BMPR1B: variants seen among roughly 807,000 people sequenced by gnomAD.
The protein encoded by BMPR1B is bone morphogenetic protein receptor type 1B.
In BMPR1B, 12 loss-of-function variants were observed where a neutral mutation model predicts 59.1. The ratio of observed to expected loss-of-function variants is 0.20; its 90% CI spans 0.13 to 0.33. BMPR1B has a LOEUF of 0.33. Ranked by LOEUF, BMPR1B falls within the 10% of genes least tolerant of loss-of-function variation. The pLI, the probability that BMPR1B is intolerant of heterozygous loss-of-function variation, is 1.00. For missense variants in BMPR1B, 550 were observed against 610.9 expected, an observed-to-expected ratio of 0.90 and a Z score of 1.05; for synonymous variants, 237 against 207.3, an observed-to-expected ratio of 1.14 and a Z score of -1.23.
At chr4:94,861,426 A>G (rs1725972270) in intron 1 of BMPR1B, among the ~76,000 whole-genome samples, 1 of 152,146 alleles carries the variant, frequency 6.6e-6, no homozygotes, top group Non-Finnish European at 1.5e-5. Flanking sequence ...ACTCAGTATG[A>G]TGTTTGTATT....
intron 3 of BMPR1B, among the ~76,000 whole-genome samples, chr4:95,095,443 C>CTG (rs1730297990): frequency 6.6e-6 from 1 of 152,020 alleles, no homozygotes; most frequent in South Asian, 2.1e-4. Context: ...TGTTGCTAGC[C>CTG]AGTTCAGTAC....
At chr4:95,109,529 G>A (rs902654208) in intron 4 of BMPR1B, among the ~76,000 whole-genome samples, 6 of 151,998 alleles carry the variant, frequency 3.9e-5, no homozygotes, top group African/African-American at 9.7e-5. Flanking sequence ...TTGTTTGCAC[G>A]TTTTACCTTG....
chr4:94,831,497 C>T (rs1724589206), intron 1 of BMPR1B, among the ~76,000 whole-genome samples: 1 of 152,036 alleles, frequency 6.6e-6, no homozygotes, highest in South Asian at 2.1e-4. Flanking sequence ...TCGTAGGATT[C>T]CTCATTCATG....
At position 95,100,551 on chromosome 4, in the gene BMPR1B, A is replaced by T. The variant is rs562455742; in HGVS notation, c.-17-3857A>T. On this transcript the variant is annotated intron_variant, in intron 3 of 12. Coordinates refer to ENST00000515059, the MANE Select transcript of BMPR1B (RefSeq NM_001203.3). ...AGTGATGTGGTGTGGATCTATTCAC[A>T]TGGGCTATATGGGTTCTTTCAAATT... is the stretch of plus-strand genomic sequence containing the variant. 7.1e-4 allele frequency among the ~76,000 whole-genome samples: 108 copies of T among 151,896 alleles called. 1 individual carries two copies. The highest frequency in any genetic ancestry group is 2.6e-3 in the African/African-American group (107 of 41,424).
rs551908921 is a variant in BMPR1B at position 94,927,171 on chromosome 4, C to T, written c.-113+51271C>T. 1.1e-4 allele frequency among the ~76,000 whole-genome samples: 16 copies of T among 152,186 alleles called. No individual in the cohort carries two copies. The South Asian group carries it at 3.3e-3, about 32-fold the overall frequency. ...ACTGGTTTGTTCATTCCTTGCGAGT[C>T]ACTGATGAATTGATTTGGCTTCAAA... On this transcript the variant is annotated intron_variant, in intron 2 of 12. Coordinates refer to ENST00000515059, the MANE Select transcript of BMPR1B (RefSeq NM_001203.3).
intron 3 of BMPR1B, among the ~76,000 whole-genome samples, chr4:95,031,173 A>T (rs1322618237): frequency 2.0e-5 from 3 of 152,146 alleles, no homozygotes; most frequent in Non-Finnish European, 2.9e-5. Context: ...CAAAACAGAG[A>T]TAGAGAACAG....
chr4:95,032,708 T>C (rs1009689868), intron 3 of BMPR1B, among the ~76,000 whole-genome samples: 2 of 152,166 alleles, frequency 1.3e-5, no homozygotes, highest in African/African-American at 4.8e-5. Flanking sequence ...ATTTTCTTCC[T>C]TTTTAAGGCT....
intron 3 of BMPR1B, among the ~76,000 whole-genome samples, chr4:95,075,301 T>C (rs1728618211): frequency 1.3e-5 from 2 of 152,288 alleles, no homozygotes; most frequent in Middle Eastern, 3.4e-3. Context: ...AATATTCACT[T>C]CTAATAATTA....
chr4:95,119,439 A>AT (rs1341880293), intron 6 of BMPR1B, among the ~76,000 whole-genome samples: 1 of 152,188 alleles, frequency 6.6e-6, no homozygotes, highest in African/African-American at 2.4e-5. Context: ...AAGACAATTT[A>AT]TTGTGTTAAA....
chr4:95,029,367 G>A (rs1382967757), intron 3 of BMPR1B, among the ~76,000 whole-genome samples: 3 of 150,584 alleles, frequency 2.0e-5, no homozygotes, highest in South Asian at 2.1e-4. Flanking sequence ...TTGTCCTTGC[G>A]ATAGTTTACT....
At chr4:94,799,217 C>G (rs891135583) in intron 1 of BMPR1B, among the ~76,000 whole-genome samples, 4 of 149,776 alleles carry the variant, frequency 2.7e-5, no homozygotes, top group Admixed American at 6.7e-5. Flanking sequence ...AAGACCTTAT[C>G]TTTGAGATGC....
chr4:94,809,392 C>G (rs1031252911), intron 1 of BMPR1B, among the ~76,000 whole-genome samples: 3 of 152,164 alleles, frequency 2.0e-5, no homozygotes, highest in Admixed American at 6.5e-5. Context: ...TGTTTAGCCA[C>G]AATAAGATGA....
At chr4:95,123,775 C>A (rs761045384) in intron 6 of BMPR1B, 35 bp from the exon 7 acceptor site, 33 of 1,468,118 alleles carry the variant, frequency 2.2e-5, no homozygotes, top group Admixed American at 3.4e-5. Context: ...TAAAAATATT[C>A]TCTTGATTAT....
chr4:94,945,371 G>C (rs945975764), intron 2 of BMPR1B, among the ~76,000 whole-genome samples: 1 of 152,102 alleles, frequency 6.6e-6, no homozygotes, highest in Non-Finnish European at 1.5e-5. Flanking sequence ...TATGATGATG[G>C]GAAAAACATC....
At chr4:95,091,584 C>G (rs1204932493) in intron 3 of BMPR1B, 3 of 985,112 alleles carry the variant, frequency 3.0e-6, no homozygotes, top group Non-Finnish European at 2.4e-6. Flanking sequence ...GTCTCTCATC[C>G]TAGGGAGCCT....
At chr4:94,775,683 T>A (rs1231053497) in intron 1 of BMPR1B, among the ~76,000 whole-genome samples, 4 of 152,248 alleles carry the variant, frequency 2.6e-5, no homozygotes, top group Non-Finnish European at 5.9e-5. Context: ...ACATGATCAG[T>A]TTACACTATT....
At chr4:94,975,051 C>T (rs146751475) in intron 2 of BMPR1B, among the ~76,000 whole-genome samples, 46 of 152,252 alleles carry the variant, frequency 3.0e-4, no homozygotes, top group Admixed American at 2.6e-4. Context: ...TTCACAAGGA[C>T]GAAACTTCCA....
At chr4:95,084,501 A>T (rs1299126708) in intron 3 of BMPR1B, among the ~76,000 whole-genome samples, 1 of 152,070 alleles carries the variant, frequency 6.6e-6, no homozygotes. Context: ...ATTTTGTTTT[A>T]GGTAAAGGTA....
intron 1 of BMPR1B, among the ~76,000 whole-genome samples, chr4:94,797,326 T>A (rs975749863): frequency 6.6e-6 from 1 of 152,204 alleles, no homozygotes; most frequent in African/African-American, 2.4e-5. Context: ...AGCCAAACCA[T>A]ATCAATGTGT....
Sources: gnomAD v4.1 joint callset for allele counts (sites outside exome capture counted in the v4.1 genomes callset) on GRCh38, gnomAD v4.1.1 for gene constraint, MANE v1.5 for transcripts, NCBI Gene and HGNC (gene_info 2026-07-23, HGNC 2026-07-21) for gene names.